Variants in DNMT3B observed in about 807,000 individuals in gnomAD.
DNMT3B encodes the protein DNA methyltransferase 3 beta.
DNMT3B carries 37 observed loss-of-function variants against 120.2 expected under a neutral mutation model. The observed-to-expected ratio is 0.31, with a 90% confidence interval of 0.24 to 0.40. The LOEUF (loss-of-function observed/expected upper bound fraction) is 0.40. DNMT3B is among the 10% of genes least tolerant of loss of function. The pLI is 1.00. For synonymous variants in DNMT3B, 412 were observed against 442.8 expected (o/e 0.93, Z 0.87); for missense variants, 878 against 1,137.3 (o/e 0.77, Z 3.28).
Position 32,796,819 on chromosome 20 carries a change from C to G in DNMT3B, c.1327C>G (p.Pro443Ala), listed in dbSNP as rs752929250. Residue 443 changes from proline (P) to alanine (A), a missense_variant, in exon 13 of 23, where the codon CCC (proline) becomes GCC (alanine). By Grantham distance (27) the Pro-to-Ala change is conservative (BLOSUM62 -1). Around this residue, in one of 4 missense-constraint regions of DNMT3B, gnomAD observed 207 missense variants for 222.6 expected, o/e 0.93. Transcript: ENST00000328111. ...CTGTTTGTCTTGTGGCAGGAAAAAC[C>G]CCGTGTCCTTCCACCCTCTCTTTGA... ...DGCLSCGRKNPVSFHPLFEGG... is the reference protein window; with the variant it reads ...DGCLSCGRKNAVSFHPLFEGG... The G allele has an allele frequency of 6.2e-7, 1 of 1,614,086 alleles. No homozygotes were observed. The highest frequency in any genetic ancestry group is 8.5e-7 in the Non-Finnish European group (1 of 1,180,042).
In DNMT3B at chr20:32,762,513, G is replaced by A; in HGVS notation, c.-193G>A. 3.4e-6 allele frequency: 1 copy of A among 297,176 alleles called. No homozygotes were observed. The highest frequency in any genetic ancestry group is 7.0e-6 in the Non-Finnish European group (1 of 143,410). The allele number at this position is 297,176 out of a possible 1,614,324, so 18.4% of individuals were successfully genotyped here. On this transcript the variant is annotated 5_prime_UTR_variant, in exon 1 of 23. Coordinates refer to ENST00000328111, the MANE Select transcript of DNMT3B (RefSeq NM_006892.4). ...ACGGGACCGGCTCCCTGGCGGTCGG[G>A]CGAGCGGGCGGCAACGCTGCCCGGC...
intron 5 of DNMT3B, 106 bp from the exon 6 acceptor site, chr20:32,787,124 A>T: frequency 2.2e-5 from 30 of 1,341,632 alleles, no homozygotes; most frequent in Non-Finnish European, 3.2e-5. Flanking sequence ...CTTTAACTTC[A>T]GTCTTTCCTC....
At chr20:32,779,775 G>A in intron 1 of DNMT3B, 3 of 459,592 alleles carry the variant, frequency 6.5e-6, no homozygotes, top group Non-Finnish European at 1.2e-5. Flanking sequence ...GGCGGGGCTT[G>A]TGCTGCCATG....
Position 32,808,694 on chromosome 20 carries a change from G to A in DNMT3B, c.*791G>A, listed in dbSNP as rs557153882. On this transcript the variant is annotated 3_prime_UTR_variant, in exon 23 of 23. Transcript: ENST00000328111. The stretch of plus-strand genomic sequence containing the variant: ...GGGTGTGCTGAGTTCTATAATATAA[G>A]CTGCCATATATTTTGTAGACAAGTA... 243 of 229,492 alleles carry A rather than the reference G, an allele frequency of 1.1e-3. 1 individual carries two copies. Among genetic ancestry groups the A allele is most frequent in the African/African-American group, 5.1e-3 (232 of 45,200 alleles). 14.2% of individuals were successfully genotyped at this position (229,492 alleles called of 1,614,324 possible).
chr20:32,768,160 C>T (rs961179470), intron 1 of DNMT3B, among the ~76,000 whole-genome samples: 2 of 151,748 alleles, frequency 1.3e-5, no homozygotes, highest in Non-Finnish European at 2.9e-5. Context: ...GCTAGGACTA[C>T]AGGTGAGAGC....
chr20:32,802,295 T>C (rs1981440051), intron 19 of DNMT3B, 90 bp from the exon 20 acceptor site: 1 of 1,375,500 alleles, frequency 7.3e-7, no homozygotes, highest in African/African-American at 1.4e-5. Context: ...TCATCCATAG[T>C]CAGGGAATAG....
chr20:32,765,756 TTC>T (rs373299364), intron 1 of DNMT3B, among the ~76,000 whole-genome samples: 5,774 of 75,988 alleles, frequency 0.076, 1,124 homozygotes, highest in African/African-American at 0.5. Context: ...TTTTCTTTTT[TTC>T]TTTTTTTTTT....
chr20:32,781,765 A>G (rs1473403168), intron 3 of DNMT3B, among the ~76,000 whole-genome samples: 1 of 152,178 alleles, frequency 6.6e-6, no homozygotes, highest in African/African-American at 2.4e-5. Context: ...GCATGATGGA[A>G]TCTTGCACTG....
At chr20:32,770,037 C>T (rs554018462) in intron 1 of DNMT3B, among the ~76,000 whole-genome samples, 2 of 152,246 alleles carry the variant, frequency 1.3e-5, no homozygotes, top group South Asian at 2.1e-4. Context: ...AATGCTCCAG[C>T]AGTCCTCCCA....
At chr20:32,785,797 C>T (rs1029820302) in intron 4 of DNMT3B, among the ~76,000 whole-genome samples, 1 of 152,194 alleles carries the variant, frequency 6.6e-6, no homozygotes, top group East Asian at 1.9e-4. Context: ...CTGGTGCCTT[C>T]CTGAACCCAG....
chr20:32,769,997 A>G (rs1422127833), intron 1 of DNMT3B, among the ~76,000 whole-genome samples: 1 of 152,186 alleles, frequency 6.6e-6, no homozygotes, highest in Non-Finnish European at 1.5e-5. Context: ...GTTCAGTACT[A>G]CAATCACAGC....
chr20:32,782,273 G>T (rs1431917219), intron 3 of DNMT3B, among the ~76,000 whole-genome samples: 1 of 152,198 alleles, frequency 6.6e-6, no homozygotes, highest in African/African-American at 2.4e-5. Context: ...GTGCCAGGGA[G>T]CATTGAGCCT....
chr20:32,781,279 C>T, intron 2 of DNMT3B, 74 bp from the exon 3 acceptor site: 2 of 1,526,120 alleles, frequency 1.3e-6, no homozygotes, highest in Non-Finnish European at 1.8e-6. Context: ...CGGAGAAAAG[C>T]CCCTATTAGC....
At chr20:32,784,662 C>A in intron 3 of DNMT3B, 96 bp from the exon 4 acceptor site, 1 of 1,360,456 alleles carries the variant, frequency 7.4e-7, no homozygotes, top group Non-Finnish European at 1.0e-6. Context: ...CCCTGCCAGG[C>A]ACAGGCGATC....
chr20:32,804,835 G>A (rs757664280), intron 20 of DNMT3B, among the ~76,000 whole-genome samples: 5 of 151,982 alleles, frequency 3.3e-5, no homozygotes, highest in South Asian at 2.1e-4. Flanking sequence ...GGGATTAAGG[G>A]TAGGAACCAC....
At chr20:32,801,750 A>G (rs188288436) in intron 19 of DNMT3B, among the ~76,000 whole-genome samples, 1 of 151,992 alleles carries the variant, frequency 6.6e-6, no homozygotes, top group Non-Finnish European at 1.5e-5. Context: ...GTGCCCAGCC[A>G]ATTTTTGTAT....
At chr20:32,770,753 C>T (rs1021722245) in intron 1 of DNMT3B, among the ~76,000 whole-genome samples, 3 of 152,104 alleles carry the variant, frequency 2.0e-5, no homozygotes, top group Non-Finnish European at 4.4e-5. Flanking sequence ...GCTGGGATTA[C>T]AGGCATGTGC....
chr20:32,768,004 G>A (rs1987488844), intron 1 of DNMT3B, among the ~76,000 whole-genome samples: 1 of 152,138 alleles, frequency 6.6e-6, no homozygotes, highest in Admixed American at 6.5e-5. Context: ...GGCGTTTGCT[G>A]CAGCCAGAAC....
In DNMT3B at chr20:32,784,780, G is replaced by C. The variant is rs780815863; in HGVS notation, c.227G>C (p.Gly76Ala). The change falls in exon 4 of 23, where the codon GGG becomes GCG. Residue 76 changes from glycine to alanine, a missense_variant. Around this residue, in one of 4 missense-constraint regions of DNMT3B, gnomAD observed 287 missense variants for 306.2 expected, o/e 0.94. Coordinates refer to ENST00000328111, the MANE Select transcript of DNMT3B (RefSeq NM_006892.4). ...YTQDLTGDGD[G>A]EDGDGSDTPV... is the part of the protein sequence containing the mutation. ...AAGGACTTGACAGGCGATGGCGACG[G>C]GGAAGATGGGGATGGCTCTGACACC... 1 of 1,614,100 alleles carries C rather than the reference G, an allele frequency of 6.2e-7. No individual in the cohort carries two copies. Among genetic ancestry groups the C allele is most frequent in the South Asian group, 1.1e-5 (1 of 91,078 alleles).
Sources: gnomAD v4.1 joint callset for allele counts (sites outside exome capture counted in the v4.1 genomes callset) on GRCh38, gnomAD v4.1.1 for gene constraint, gnomAD v4.1.1 regional missense constraint, MANE v1.5 for transcripts, NCBI Gene and HGNC (gene_info 2026-07-23, HGNC 2026-07-21) for gene names.